Variants in PCDH9 observed in about 807,000 individuals in gnomAD.
PCDH9 encodes the protein protocadherin 9, also known as protocadherin-9.
PCDH9 carries 24 observed loss-of-function variants against 70.6 expected under a neutral mutation model. That is an observed-to-expected ratio of 0.34 (90% CI 0.25 to 0.48). The LOEUF (loss-of-function observed/expected upper bound fraction) is 0.48, where lower values mean the gene tolerates loss of function less well. Among genes scored for constraint, PCDH9 ranks in the 20% least tolerant of loss-of-function variants. The pLI, the probability that PCDH9 is intolerant of heterozygous loss-of-function variation, is 0.99. For synonymous variants in PCDH9, 562 were observed against 558.5 expected (o/e 1.01, Z -0.09); for missense variants, 1,281 against 1,503.6 (o/e 0.85, Z 2.45).
intron 2 of PCDH9, chr13:67,201,785 T>C (rs2089219288): frequency 6.6e-6 from 1 of 152,048 alleles, no homozygotes; most frequent in African/African-American, 2.4e-5. Context: ...TTAATAATAA[T>C]GCTTTGTGTA....
chr13:67,221,586 C>A (rs2089726065), intron 2 of PCDH9: 1 of 152,008 alleles, frequency 6.6e-6, no homozygotes, highest in Admixed American at 6.6e-5. Flanking sequence ...TTACCCAGAA[C>A]CAATGTCTAG....
chr13:66,506,824 T>C (rs1959222968), intron 4 of PCDH9, among the ~76,000 whole-genome samples: 1 of 152,246 alleles, frequency 6.6e-6, no homozygotes, highest in African/African-American at 2.4e-5. Flanking sequence ...TTTGCTTTAA[T>C]AAATAATAGC....
At chr13:66,959,861 A>T (rs1256990925) in intron 2 of PCDH9, among the ~76,000 whole-genome samples, 1 of 152,210 alleles carries the variant, frequency 6.6e-6, no homozygotes, top group Non-Finnish European at 1.5e-5. Flanking sequence ...TTAATCAATA[A>T]ACTGGAAATC....
At chr13:66,529,393 A>C (rs1960347565) in intron 4 of PCDH9, among the ~76,000 whole-genome samples, 1 of 152,128 alleles carries the variant, frequency 6.6e-6, no homozygotes, top group Admixed American at 6.6e-5. Context: ...TATTGCACTA[A>C]AGTGAACTAC....
At chr13:66,777,409 A>G (rs943221333) in intron 3 of PCDH9, among the ~76,000 whole-genome samples, 2 of 152,032 alleles carry the variant, frequency 1.3e-5, no homozygotes, top group African/African-American at 4.8e-5. Flanking sequence ...TCCAGAATCT[A>G]CAATGAACTC....
At chr13:66,543,033 A>T (rs1006954244) in intron 4 of PCDH9, among the ~76,000 whole-genome samples, 1 of 151,830 alleles carries the variant, frequency 6.6e-6, no homozygotes, top group Non-Finnish European at 1.5e-5. Flanking sequence ...CAAATATAAT[A>T]ATAATGGAGT....
chr13:67,063,238 G>A (rs554448720), intron 2 of PCDH9, among the ~76,000 whole-genome samples: 11 of 152,032 alleles, frequency 7.2e-5, no homozygotes, highest in South Asian at 2.1e-4. Context: ...ACAATCTCCC[G>A]TAAGCAATTA....
intron 3 of PCDH9, among the ~76,000 whole-genome samples, chr13:66,802,286 C>A (rs866214937): frequency 3.9e-5 from 6 of 151,958 alleles, no homozygotes; most frequent in Non-Finnish European, 5.9e-5. Context: ...TCCTTTTAAA[C>A]TGCCTCTGCA....
chr13:66,911,534 A>G (rs1399765825), intron 2 of PCDH9, among the ~76,000 whole-genome samples: 1 of 152,186 alleles, frequency 6.6e-6, no homozygotes, highest in East Asian at 1.9e-4. Context: ...TGGATGTTAT[A>G]TGAGTTTTAT....
rs559071564 is a variant in PCDH9, at chr13:66,936,225, C to T, written c.3037-32620G>A. 1.6e-3 allele frequency among the ~76,000 whole-genome samples: 242 copies of T among 152,316 alleles called. 1 individual carries two copies. The highest frequency in any genetic ancestry group is 5.3e-3 in the African/African-American group (221 of 41,572). On this transcript the variant is annotated intron_variant, in intron 2 of 4. Coordinates refer to ENST00000377865, the MANE Select transcript of PCDH9 (RefSeq NM_203487.3). ...AGGTGTTAGCACACTCAATCAGTCT[C>T]ATTTGGAATATTTTTTAAGTATAAT...
intron 2 of PCDH9, among the ~76,000 whole-genome samples, chr13:66,973,164 T>C (rs2083554214): frequency 6.6e-6 from 1 of 151,888 alleles, no homozygotes; most frequent in Non-Finnish European, 1.5e-5. Flanking sequence ...TGAGGAGCTC[T>C]ACATTTTGTT....
At chr13:67,132,002 A>G (rs1243798388) in intron 2 of PCDH9, among the ~76,000 whole-genome samples, 4 of 152,182 alleles carry the variant, frequency 2.6e-5, no homozygotes, top group African/African-American at 9.6e-5. Context: ...AGCCAGTCAA[A>G]TGACTCCATA....
At chr13:67,214,016 C>T (rs1372531544) in intron 2 of PCDH9, 1 of 152,162 alleles carries the variant, frequency 6.6e-6, no homozygotes, top group Non-Finnish European at 1.5e-5. Flanking sequence ...GTGATGGTTT[C>T]AGCTGTTCCA....
chr13:66,423,559 A>G (rs141513284), intron 4 of PCDH9, among the ~76,000 whole-genome samples: 3,050 of 152,304 alleles, frequency 0.02, 124 homozygotes, highest in African/African-American at 0.07. Flanking sequence ...TCACATAAAC[A>G]GAACCAATGA....
intron 2 of PCDH9, among the ~76,000 whole-genome samples, chr13:67,143,910 A>G (rs1490268183): frequency 6.6e-6 from 1 of 152,198 alleles, no homozygotes; most frequent in African/African-American, 2.4e-5. Context: ...CCCTACAGAT[A>G]ATAAGGTGAG....
intron 4 of PCDH9, among the ~76,000 whole-genome samples, chr13:66,339,184 C>G (rs1270480533): frequency 1.3e-5 from 2 of 151,966 alleles, no homozygotes; most frequent in Non-Finnish European, 2.9e-5. Flanking sequence ...TGAGTTGAAA[C>G]AAACCTAGTA....
rs78623736 is a variant in PCDH9, at chr13:66,661,472, G to T, written c.3139-30061C>A. Among the ~76,000 whole-genome samples the T allele has an allele frequency of 3.2e-3, 494 of 152,228 alleles. 1 individual carries two copies. Among genetic ancestry groups the T allele is most frequent in the African/African-American group, 0.011 (473 of 41,540 alleles). On this transcript the variant is annotated intron_variant, in intron 3 of 4. Coordinates refer to ENST00000377865, the MANE Select transcript of PCDH9 (RefSeq NM_203487.3). ...AGTAATAGTTTGTTTTCAATGTGCG[G>T]CTTCAGGATCATTTACTAATTAAAA...
chr13:66,438,442 A>C (rs1397496697), intron 4 of PCDH9, among the ~76,000 whole-genome samples: 6 of 152,200 alleles, frequency 3.9e-5, no homozygotes, highest in Non-Finnish European at 5.9e-5. Context: ...AGGAAGGCTA[A>C]ATAACTTTTG....
intron 3 of PCDH9, among the ~76,000 whole-genome samples, chr13:66,647,574 G>A (rs2077789087): frequency 6.6e-6 from 1 of 152,126 alleles, no homozygotes; most frequent in Non-Finnish European, 1.5e-5. Context: ...CATGGCCCTT[G>A]GGTGAAACTC....
Sources: gnomAD v4.1 joint callset for allele counts (sites outside exome capture counted in the v4.1 genomes callset) on GRCh38, gnomAD v4.1.1 for gene constraint, MANE v1.5 for transcripts, NCBI Gene and HGNC (gene_info 2026-07-23, HGNC 2026-07-21) for gene names.